TNR: variants seen among roughly 807,000 people sequenced by gnomAD.
The protein encoded by TNR is tenascin R.
TNR carries 45 observed loss-of-function variants against 150.4 expected under a neutral mutation model. That is an observed-to-expected ratio of 0.30 (90% CI 0.24 to 0.38). TNR has a LOEUF of 0.38. Ranked by LOEUF, TNR falls within the 10% of genes least tolerant of loss-of-function variation. The pLI is 1.00. For missense variants in TNR, 1,544 were observed against 1,759.1 expected, an observed-to-expected ratio of 0.88 and a Z score of 2.19; for synonymous variants, 687 against 678.4, an observed-to-expected ratio of 1.01 and a Z score of -0.20.
intron 1 of TNR, among the ~76,000 whole-genome samples, chr1:175,630,564 C>T (rs924376954): frequency 3.3e-5 from 5 of 152,138 alleles, no homozygotes; most frequent in Admixed American, 2.6e-4. Flanking sequence ...TCTTTTCCTC[C>T]CTTCCTCCCT....
chr1:175,524,793 G>A (rs552288408), intron 2 of TNR, among the ~76,000 whole-genome samples: 2 of 152,334 alleles, frequency 1.3e-5, no homozygotes, highest in South Asian at 4.1e-4. Context: ...ATAAGATGTT[G>A]AGAGCAAACA....
At chr1:175,600,619 CA>C (rs1422625422) in intron 1 of TNR, among the ~76,000 whole-genome samples, 3 of 152,218 alleles carry the variant, frequency 2.0e-5, no homozygotes, top group Non-Finnish European at 4.4e-5. Context: ...ATATCCTGCA[CA>C]AAGGTGCCCA....
chr1:175,721,894 C>T (rs371520676), intron 1 of TNR, among the ~76,000 whole-genome samples: 1 of 148,486 alleles, frequency 6.7e-6, no homozygotes, highest in Non-Finnish European at 1.5e-5. Context: ...TGCTTCCCCT[C>T]TCTTGCAATC....
chr1:175,523,902 C>T (rs1467667098), intron 2 of TNR, among the ~76,000 whole-genome samples: 1 of 152,202 alleles, frequency 6.6e-6, no homozygotes, highest in African/African-American at 2.4e-5. Flanking sequence ...TGCCTCCCTG[C>T]CATGTACATA....
At position 175,626,063 on chromosome 1, in the gene TNR, T is replaced by G. The variant is rs369573949; in HGVS notation, c.-164-97694A>C. Among the ~76,000 whole-genome samples the G allele has an allele frequency of 3.7e-3, 568 of 152,158 alleles. 2 individuals carry two copies. Among genetic ancestry groups the G allele is most frequent in the African/African-American group, 0.013 (544 of 41,516 alleles). ...CGAGGTCTGATGGGCTTATCAGGGG[T>G]TTCCACTTTTGCTTCTTCCTCATTC... is the stretch of plus-strand genomic sequence containing the variant. On this transcript the variant is annotated intron_variant, in intron 1 of 22. Coordinates refer to ENST00000367674, the MANE Select transcript of TNR (RefSeq NM_003285.3).
intron 1 of TNR, among the ~76,000 whole-genome samples, chr1:175,616,071 T>C (rs1663763877): frequency 6.6e-6 from 1 of 152,220 alleles, no homozygotes; most frequent in Non-Finnish European, 1.5e-5. Context: ...CTCTGTTCTT[T>C]CTGCGTGGGA....
intron 2 of TNR, among the ~76,000 whole-genome samples, chr1:175,509,111 A>G (rs1042671263): frequency 6.6e-6 from 1 of 152,210 alleles, no homozygotes; most frequent in Non-Finnish European, 1.5e-5. Context: ...CCTGTTTCCT[A>G]GCAGGAAACC....
intron 1 of TNR, among the ~76,000 whole-genome samples, chr1:175,714,638 TCTCTACC>T (rs1410960072): frequency 1.3e-5 from 2 of 152,192 alleles, no homozygotes; most frequent in Non-Finnish European, 2.9e-5. Context: ...ATTGTTTATC[TCTCTACC>T]CTCTCCACTT....
intron 1 of TNR, among the ~76,000 whole-genome samples, chr1:175,695,114 A>T (rs968150837): frequency 6.6e-6 from 1 of 152,216 alleles, no homozygotes; most frequent in Admixed American, 6.5e-5. Context: ...GAAGTAGAAC[A>T]TGGTAGAAGG....
At chr1:175,715,645 G>A (rs1210277937) in intron 1 of TNR, among the ~76,000 whole-genome samples, 1 of 152,182 alleles carries the variant, frequency 6.6e-6, no homozygotes, top group Non-Finnish European at 1.5e-5. Context: ...GGATGATGCT[G>A]GGATGTCATA....
At chr1:175,496,383 C>A (rs1372247371) in intron 2 of TNR, among the ~76,000 whole-genome samples, 1 of 152,180 alleles carries the variant, frequency 6.6e-6, no homozygotes, top group Non-Finnish European at 1.5e-5. Context: ...GCTCAGCGCA[C>A]ACATGGCTCC....
At chr1:175,470,704 T>C (rs1657250006) in intron 2 of TNR, among the ~76,000 whole-genome samples, 1 of 152,184 alleles carries the variant, frequency 6.6e-6, no homozygotes, top group African/African-American at 2.4e-5. Flanking sequence ...GTTGTTATTG[T>C]CTATAGTCAT....
Position 175,402,650 on chromosome 1 carries a change from C to A in TNR, c.976+490G>T, listed in dbSNP as rs542076068. Reference sequence around the variant, plus strand: ...ATAACATCTTGCAATCTGTAAGCTCCAAGATAATCAGAGAGCCTCACAGAC... The same window carrying A: ...ATAACATCTTGCAATCTGTAAGCTCAAAGATAATCAGAGAGCCTCACAGAC... On this transcript the variant is annotated intron_variant, in intron 4 of 22. Coordinates refer to ENST00000367674, the MANE Select transcript of TNR (RefSeq NM_003285.3). 2.0e-4 allele frequency among the ~76,000 whole-genome samples: 30 copies of A among 152,276 alleles called. 1 individual carries two copies. The highest frequency in any genetic ancestry group is 6.5e-4 in the African/African-American group (27 of 41,566).
At chr1:175,547,564 G>GGAAAGAAAGAAAGAAA (rs61602065) in intron 1 of TNR, among the ~76,000 whole-genome samples, 99 of 131,088 alleles carry the variant, frequency 7.6e-4, no homozygotes, top group African/African-American at 2.0e-3. Context: ...AAAGATAGAA[G>GGAAAGAAAGAAAGAAA]GAAAGAAAGA....
At chr1:175,335,899 G>GAT (rs1650224618) in intron 19 of TNR, 92 bp from the exon 20 acceptor site, 1 of 1,133,338 alleles carries the variant, frequency 8.8e-7, no homozygotes, top group African/African-American at 1.6e-5. Flanking sequence ...AAGTAAAATT[G>GAT]ATATAACTGG....
intron 13 of TNR, 79 bp downstream of exon 13, chr1:175,363,629 T>A: frequency 6.6e-7 from 1 of 1,523,762 alleles, no homozygotes; most frequent in Non-Finnish European, 8.9e-7. Flanking sequence ...CAGGAGTGGA[T>A]GTTCTGCGGG....
intron 2 of TNR, among the ~76,000 whole-genome samples, chr1:175,454,428 C>A (rs1267476743): frequency 6.6e-6 from 1 of 152,216 alleles, no homozygotes; most frequent in Non-Finnish European, 1.5e-5. Context: ...GCTCTGCAGT[C>A]CAGCAGAGCC....
chr1:175,465,970 C>A (rs1170978909), intron 2 of TNR, among the ~76,000 whole-genome samples: 2 of 152,122 alleles, frequency 1.3e-5, no homozygotes, highest in Non-Finnish European at 2.9e-5. Context: ...CTGTTTTACC[C>A]ACTTGGACCC....
chr1:175,528,098 C>T (rs1443433221), intron 2 of TNR, among the ~76,000 whole-genome samples, 171 bp downstream of exon 2: 1 of 152,180 alleles, frequency 6.6e-6, no homozygotes, highest in Non-Finnish European at 1.5e-5. Flanking sequence ...TCAGAGACTG[C>T]ATGAAGCCCA....
Sources: allele counts gnomAD v4.1 joint callset (sites outside exome capture counted in the v4.1 genomes callset), GRCh38; gene constraint gnomAD v4.1.1; transcripts MANE v1.5; gene names NCBI Gene and HGNC (gene_info 2026-07-23, HGNC 2026-07-21).